The following TPP2 variants were observed in gnomAD, a reference collection of about 807,000 sequenced individuals.
TPP2 encodes tripeptidyl peptidase 2.
A neutral mutation model predicts 155.9 loss-of-function variants in TPP2; 34 were observed. That is an observed-to-expected ratio of 0.22 (90% CI 0.17 to 0.29). The LOEUF (loss-of-function observed/expected upper bound fraction) is 0.29, where lower values mean the gene tolerates loss of function less well. TPP2 is among the 10% of genes least tolerant of loss of function. The pLI, the probability that TPP2 is intolerant of heterozygous loss-of-function variation, is 1.00. For synonymous variants in TPP2, 510 were observed against 529.4 expected, an observed-to-expected ratio of 0.96 and a Z score of 0.50; for missense variants, 1,028 against 1,522.3, an observed-to-expected ratio of 0.68 and a Z score of 5.40.
chr13:102,672,691 G>T (rs779919836), intron 27 of TPP2, among the ~76,000 whole-genome samples: 8 of 152,190 alleles, frequency 5.3e-5, no homozygotes, highest in Non-Finnish European at 1.0e-4. Flanking sequence ...CATAAGCAAA[G>T]GACTGCTGAG....
chr13:102,654,111 T>C (rs1883687442), intron 24 of TPP2, among the ~76,000 whole-genome samples: 3 of 152,216 alleles, frequency 2.0e-5, no homozygotes, highest in South Asian at 4.1e-4. Flanking sequence ...AAATTGGTAC[T>C]ATGTTAACCC....
rs144248181 is a variant in TPP2, at chr13:102,674,146, A to G, written c.3372-137A>G. Reference sequence around the variant, plus strand: ...GGCATCATATTTGATGTACAATACAATTGTACGTACCTGGATATACAGTAT... The same window carrying G: ...GGCATCATATTTGATGTACAATACAGTTGTACGTACCTGGATATACAGTAT... On this transcript the variant is annotated intron_variant, in intron 27 of 29. Transcript: ENST00000376052. 7.2e-5 allele frequency: 63 copies of G among 870,496 alleles called. No homozygotes were observed. The African/African-American group carries it at 7.8e-4, about 11-fold the overall frequency. 53.9% of individuals were successfully genotyped at this position (870,496 alleles called of 1,614,324 possible).
intron 29 of TPP2, among the ~76,000 whole-genome samples, chr13:102,676,950 C>T (rs1244907857): frequency 6.6e-6 from 1 of 152,150 alleles, no homozygotes; most frequent in Non-Finnish European, 1.5e-5. Flanking sequence ...CGTCTTTGAA[C>T]ATGCTTAATT....
chr13:102,626,550 G>A (rs1881639876), intron 6 of TPP2, among the ~76,000 whole-genome samples: 1 of 152,142 alleles, frequency 6.6e-6, no homozygotes, highest in Non-Finnish European at 1.5e-5. Context: ...CTGTGGCAGT[G>A]TTCAGCTTTC....
chr13:102,652,344 C>T (rs1255808987), intron 24 of TPP2, among the ~76,000 whole-genome samples: 1 of 123,898 alleles, frequency 8.1e-6, no homozygotes, highest in Non-Finnish European at 1.7e-5. Flanking sequence ...CACACCACTG[C>T]ACTCCAGTCT....
intron 24 of TPP2, chr13:102,654,978 C>G: frequency 2.0e-6 from 1 of 507,970 alleles, no homozygotes; most frequent in South Asian, 1.4e-5. Flanking sequence ...AGCAATAGAC[C>G]TGTTTCCTTT....
intron 29 of TPP2, among the ~76,000 whole-genome samples, chr13:102,677,381 C>T (rs1454601668): frequency 6.6e-6 from 1 of 151,696 alleles, no homozygotes; most frequent in Non-Finnish European, 1.5e-5. Flanking sequence ...GCCCCCCCCG[C>T]TGCCTGTTCT....
At chr13:102,603,550 G>T (rs1252083881) in intron 1 of TPP2, among the ~76,000 whole-genome samples, 1 of 152,168 alleles carries the variant, frequency 6.6e-6, no homozygotes, top group Non-Finnish European at 1.5e-5. Context: ...CATGAGGCAG[G>T]AAAAAGTTTG....
chr13:102,612,352 A>T lies in TPP2; in HGVS notation c.295-1749A>T, dbSNP rs140938677. ...AAGAAAAATGTTTGATTTGTTAGGCATCCTCTCTTTAAGAGAGTCAGAGAA... is the reference window on the plus strand; with the variant it reads ...AAGAAAAATGTTTGATTTGTTAGGCTTCCTCTCTTTAAGAGAGTCAGAGAA... On this transcript the variant is annotated intron_variant, in intron 2 of 29. Transcript: ENST00000376052. Among the ~76,000 whole-genome samples the T allele has an allele frequency of 3.8e-3, 576 of 152,322 alleles. 6 individuals are homozygous for T. The highest frequency in any genetic ancestry group is 2.9e-3 in the Non-Finnish European group (199 of 68,022).
Position 102,644,904 on chromosome 13 carries a change from T to A in TPP2, c.2293-5T>A. On this transcript the variant is annotated splice_region_variant and splice_polypyrimidine_tract_variant and intron_variant, in intron 18 of 29. Coordinates refer to ENST00000376052, the MANE Select transcript of TPP2 (RefSeq NM_001330588.2). ...TGAGAAAGTAATTTGAGAAATCCTT[T>A]GTAGCATGCATCGGAAGGAATCAAC... is the stretch of plus-strand genomic sequence containing the variant. 1 of 1,612,754 alleles carries A rather than the reference T, an allele frequency of 6.2e-7. No individual in the cohort carries two copies. Among genetic ancestry groups the A allele is most frequent in the African/African-American group, 1.3e-5 (1 of 74,968 alleles).
At position 102,640,129 on chromosome 13, in the gene TPP2, G is replaced by GT. The variant is rs1049523640; in HGVS notation, c.1914-140dup. 4.6e-5 allele frequency: 28 copies of GT among 613,398 alleles called. No homozygotes were observed. In the Admixed American group the frequency reaches 8.2e-4, roughly 18 times the overall value. The allele number at this position is 613,398 out of a possible 1,614,324, so 38.0% of individuals were successfully genotyped here. On this transcript the variant is annotated intron_variant, in intron 15 of 29. Transcript: ENST00000376052. ...CCTACTGCAAAAATTGAACAATATC[G>GT]TACCTACTGTTTTGTAACCAGCTTC...
intron 1 of TPP2, among the ~76,000 whole-genome samples, chr13:102,598,674 G>A: frequency 6.6e-6 from 1 of 152,214 alleles, no homozygotes; most frequent in Non-Finnish European, 1.5e-5. Flanking sequence ...GAGGAAAACA[G>A]CTGGGATAAG....
intron 19 of TPP2, 87 bp from the exon 20 acceptor site, chr13:102,646,207 A>G: frequency 9.6e-7 from 1 of 1,044,526 alleles, no homozygotes; most frequent in Non-Finnish European, 1.4e-6. Flanking sequence ...TTTTTGCAAT[A>G]TGTTACAGAT....
At chr13:102,667,403 T>C (rs1395990897) in intron 27 of TPP2, among the ~76,000 whole-genome samples, 1 of 152,186 alleles carries the variant, frequency 6.6e-6, no homozygotes, top group Non-Finnish European at 1.5e-5. Context: ...GACAAGGACT[T>C]AAAACATGAG....
At chr13:102,653,875 A>G (rs1323838164) in intron 24 of TPP2, among the ~76,000 whole-genome samples, 3 of 152,220 alleles carry the variant, frequency 2.0e-5, no homozygotes, top group Non-Finnish European at 4.4e-5. Context: ...CCCAAAGAGT[A>G]GTTATTGGTT....
At chr13:102,675,199 A>G (rs1885216472) in intron 28 of TPP2, among the ~76,000 whole-genome samples, 1 of 152,220 alleles carries the variant, frequency 6.6e-6, no homozygotes, top group Admixed American at 6.5e-5. Flanking sequence ...AATTTGCAGT[A>G]AAGAACCCTG....
intron 8 of TPP2, 89 bp from the exon 9 acceptor site, chr13:102,629,393 T>A: frequency 7.4e-7 from 1 of 1,355,800 alleles, no homozygotes; most frequent in South Asian, 2.2e-5. Flanking sequence ...AAAATTTATG[T>A]AGCCATATAT....
In TPP2 at chr13:102,677,374, C is replaced by CT. The variant is rs199710461; in HGVS notation, c.3700-853_3700-852insT. On this transcript the variant is annotated intron_variant, in intron 29 of 29. Coordinates refer to ENST00000376052, the MANE Select transcript of TPP2 (RefSeq NM_001330588.2). Reference sequence around the variant, plus strand: ...TAACTTGTCTGCCCTCCACTCTGCCCCCCCCGCTGCCTGTTCTCCACACAG... The same window carrying CT: ...TAACTTGTCTGCCCTCCACTCTGCCCTCCCCCGCTGCCTGTTCTCCACACAG... 7.2e-5 allele frequency among the ~76,000 whole-genome samples: 11 copies of CT among 152,188 alleles called. No homozygotes were observed. In the East Asian group the frequency reaches 1.7e-3, roughly 24 times the overall value.
At chr13:102,666,372 C>T (rs1566370850) in intron 27 of TPP2, among the ~76,000 whole-genome samples, 3 of 152,168 alleles carry the variant, frequency 2.0e-5, no homozygotes, top group Non-Finnish European at 4.4e-5. Context: ...GCATCGTCTG[C>T]CTCCCACCCA....
Sources: allele counts gnomAD v4.1 joint callset (sites outside exome capture counted in the v4.1 genomes callset), GRCh38; gene constraint gnomAD v4.1.1; transcripts MANE v1.5; gene names NCBI Gene and HGNC (gene_info 2026-07-23, HGNC 2026-07-21).